Variants in NQO1 observed in about 807,000 individuals in gnomAD.
NQO1 encodes NAD(P)H quinone dehydrogenase 1, also known as NAD(P)H dehydrogenase [quinone] 1.
In NQO1, 30 loss-of-function variants were observed where a neutral mutation model predicts 32.1. The observed-to-expected ratio is 0.94, with a 90% CI of 0.70 to 1.27. NQO1 has a LOEUF of 1.27. NQO1 is among the 50% of genes most tolerant of loss of function. NQO1 has a pLI of 0.00. For missense variants in NQO1, 276 were observed against 331.3 expected (o/e 0.83, Z 1.30); for synonymous variants, 109 against 119.7 (o/e 0.91, Z 0.59).
intron 1 of NQO1, among the ~76,000 whole-genome samples, chr16:69,724,039 T>G (rs1029162071): frequency 1.3e-5 from 2 of 151,682 alleles, no homozygotes; most frequent in Non-Finnish European, 2.9e-5. Flanking sequence ...GAAGGCTGGG[T>G]GTGGTGGCTC....
In NQO1 at chr16:69,710,722, T is replaced by C. The variant is rs1007088107; in HGVS notation, c.*254A>G. ...ATTGTGTAGATGCCTTTAAAGAACATTTTTCTAGCATCTTTCTACATCTTT... is the reference window on the plus strand; with the variant it reads ...ATTGTGTAGATGCCTTTAAAGAACACTTTTCTAGCATCTTTCTACATCTTT... On this transcript the variant is annotated 3_prime_UTR_variant, in exon 6 of 6. Transcript: ENST00000320623. 4.2e-6 allele frequency: 2 copies of C among 471,178 alleles called. No homozygotes were observed. The highest frequency in any genetic ancestry group is 3.1e-5 in the South Asian group (1 of 32,766). 29.2% of individuals were successfully genotyped at this position (471,178 alleles called of 1,614,324 possible).
At chr16:69,712,254 T>G (rs1021513720) in intron 5 of NQO1, among the ~76,000 whole-genome samples, 1 of 151,504 alleles carries the variant, frequency 6.6e-6, no homozygotes. Flanking sequence ...TTTGTTTTTT[T>G]TTTTTGTAGA....
intron 3 of NQO1, among the ~76,000 whole-genome samples, chr16:69,716,884 G>A (rs561335099): frequency 3.3e-5 from 5 of 152,174 alleles, no homozygotes; most frequent in Admixed American, 6.6e-5. Context: ...CCAGGAGGTT[G>A]AGGCAGCAGT....
intron 3 of NQO1, among the ~76,000 whole-genome samples, chr16:69,715,919 T>C (rs756933025): frequency 6.6e-6 from 1 of 151,358 alleles, no homozygotes; most frequent in Non-Finnish European, 1.5e-5. Context: ...ATAATCCCAG[T>C]ATTTTGGGAG....
At chr16:69,718,619 G>A in intron 1 of NQO1, 85 bp from the exon 2 acceptor site, 1 of 1,414,696 alleles carries the variant, frequency 7.1e-7, no homozygotes, top group East Asian at 2.3e-5. Context: ...AGTCTGTAAA[G>A]GAGGGGGCGG....
At chr16:69,725,519 A>G (rs564535025) in intron 1 of NQO1, among the ~76,000 whole-genome samples, 5 of 152,266 alleles carry the variant, frequency 3.3e-5, no homozygotes, top group East Asian at 1.9e-4. Flanking sequence ...AGTGGACCCA[A>G]TACTAGAAAC....
rs1295089169 is a variant in NQO1 at position 69,718,209 on chromosome 16, CAG to C, written c.215_216del (p.Ser72CysfsTer5). ...DPANFQYPAE[S>X]VLAYKEGHLS... ...AGATGGCCTTCTTTATAAGCCAGAA[CAG>C]ACTCGGCAGGATACTGAAAGTTCGC... On this transcript the variant is annotated frameshift_variant, in exon 3 of 6. Coordinates refer to ENST00000320623, the MANE Select transcript of NQO1 (RefSeq NM_000903.3). LOFTEE classifies it high-confidence loss of function. The C allele has an allele frequency of 6.2e-7, 1 of 1,614,048 alleles. No homozygotes were observed. Among genetic ancestry groups the C allele is most frequent in the Non-Finnish European group, 8.5e-7 (1 of 1,180,034 alleles).
At chr16:69,725,052 G>A (rs1397992101) in intron 1 of NQO1, among the ~76,000 whole-genome samples, 1 of 152,200 alleles carries the variant, frequency 6.6e-6, no homozygotes, top group South Asian at 2.1e-4. Context: ...CGACGCTGAA[G>A]AATGAAATAC....
chr16:69,720,123 G>T (rs953122107), intron 1 of NQO1, among the ~76,000 whole-genome samples: 5 of 152,100 alleles, frequency 3.3e-5, no homozygotes, highest in Non-Finnish European at 7.3e-5. Flanking sequence ...GCTGGGCATG[G>T]TGGTGTATGC....
At chr16:69,716,423 C>T (rs1452700523) in intron 3 of NQO1, among the ~76,000 whole-genome samples, 2 of 151,266 alleles carry the variant, frequency 1.3e-5, no homozygotes, top group Non-Finnish European at 1.5e-5. Context: ...ACCCGGGAGG[C>T]GGAGGTTGCA....
At chr16:69,725,529 C>T (rs1283140500) in intron 1 of NQO1, among the ~76,000 whole-genome samples, 1 of 152,132 alleles carries the variant, frequency 6.6e-6, no homozygotes, top group African/African-American at 2.4e-5. Context: ...ATACTAGAAA[C>T]GGATCCAGTA....
rs2038144153 is a variant in NQO1 at position 69,718,397 on chromosome 16, GA to G, written c.144del (p.Ile50SerfsTer11). On this transcript the variant is annotated frameshift_variant, in exon 2 of 6. Transcript: ENST00000320623. LOFTEE classifies it high-confidence loss of function. ...GTGATGTCCTTTCTGGAAATGATGG[GA>G]TTGAAGTTCATGGCATAGAGGTCCG... ...VESDLYAMNFNPIISRKDITG... is the reference protein window; with the variant it reads ...VESDLYAMNFXPIISRKDITG... The G allele has an allele frequency of 1.2e-6, 2 of 1,614,066 alleles. No homozygotes were observed. Among genetic ancestry groups the G allele is most frequent in the African/African-American group, 2.7e-5 (2 of 74,932 alleles).
chr16:69,718,056 T>C lies in NQO1; in HGVS notation c.303+67A>G, dbSNP rs112609608. ...TAACTGTTTAAGATCTCATAGCTAA[T>C]TAGGTACATGTCTAGGACAATAAGC... is the stretch of plus-strand genomic sequence containing the variant. On this transcript the variant is annotated intron_variant, in intron 3 of 5. Coordinates refer to ENST00000320623, the MANE Select transcript of NQO1 (RefSeq NM_000903.3). 43 of 1,587,926 alleles carry C rather than the reference T, an allele frequency of 2.7e-5. 1 individual carries two copies. In the African/African-American group the frequency reaches 3.5e-4, roughly 13 times the overall value.
At chr16:69,717,486 G>C (rs1424507231) in intron 3 of NQO1, among the ~76,000 whole-genome samples, 1 of 151,638 alleles carries the variant, frequency 6.6e-6, no homozygotes, top group Non-Finnish European at 1.5e-5. Context: ...GCTAACCGCA[G>C]GATTCGCTAA....
chr16:69,714,128 C>T (rs181585622), intron 4 of NQO1, among the ~76,000 whole-genome samples: 26 of 151,644 alleles, frequency 1.7e-4, no homozygotes, highest in East Asian at 5.9e-4. Flanking sequence ...CCGCCTGCCT[C>T]GGCCTCCCAA....
chr16:69,712,172 C>T (rs1026758222), intron 5 of NQO1, among the ~76,000 whole-genome samples: 1 of 151,970 alleles, frequency 6.6e-6, no homozygotes, highest in Non-Finnish European at 1.5e-5. Context: ...ATTGCAGCCT[C>T]GAACTCCTGG....
Position 69,713,028 on chromosome 16 carries a change from C to A in NQO1, c.519G>T (p.Gln173His). 1.2e-6 allele frequency: 2 copies of A among 1,611,396 alleles called. No homozygotes were observed. Among genetic ancestry groups the A allele is most frequent in the Non-Finnish European group, 8.5e-7 (1 of 1,178,206 alleles). Reference protein sequence around the residue: ...GDMNVILWPIQSGILHFCGFQ... With the variant: ...GDMNVILWPIHSGILHFCGFQ... ...AAGAAAAGAAAAGAAAATGAGGTACCTGAATTGGCCAGAGAATGACATTCA... is the reference window on the plus strand; with the variant it reads ...AAGAAAAGAAAAGAAAATGAGGTACATGAATTGGCCAGAGAATGACATTCA... The change falls in exon 5 of 6, where the codon CAG becomes CAT. Residue 173 changes from glutamine to histidine, a missense_variant and splice_region_variant. Transcript: ENST00000320623.
chr16:69,723,736 A>G (rs951230449), intron 1 of NQO1, among the ~76,000 whole-genome samples: 5 of 152,108 alleles, frequency 3.3e-5, no homozygotes, highest in African/African-American at 1.2e-4. Flanking sequence ...CAGGAGGCGG[A>G]GGTTGCAATG....
Position 69,718,172 on chromosome 16 carries a change from A to G in NQO1, c.254T>C (p.Ile85Thr), listed in dbSNP as rs45476693. ...AYKEGHLSPD[I>T]VAEQKKLEAA... ...TTCCAGCTTCTTTTGTTCAGCCACA[A>G]TATCTGGGCTCAGATGGCCTTCTTT... The change falls in exon 3 of 6, where the codon ATT becomes ACT. Residue 85 changes from isoleucine to threonine, a missense_variant. Transcript: ENST00000320623. 1.9e-6 allele frequency: 3 copies of G among 1,614,086 alleles called. No individual in the cohort carries two copies. Among genetic ancestry groups the G allele is most frequent in the Admixed American group, 1.7e-5 (1 of 60,014 alleles).
Sources: allele counts gnomAD v4.1 joint callset (sites outside exome capture counted in the v4.1 genomes callset), GRCh38; gene constraint gnomAD v4.1.1; transcripts MANE v1.5; gene names NCBI Gene and HGNC (gene_info 2026-07-23, HGNC 2026-07-21).